Variants in FBXL3 observed in about 807,000 individuals in gnomAD.
FBXL3 encodes the protein F-box and leucine rich repeat protein 3.
In FBXL3, 14 loss-of-function variants were observed where a neutral mutation model predicts 37.9. That is an observed-to-expected ratio of 0.37 (90% CI 0.24 to 0.58). The LOEUF is 0.58. Among genes scored for constraint, FBXL3 ranks in the 20% least tolerant of loss-of-function variants. The probability of loss-of-function intolerance (pLI) is 0.74; values close to 1 mark genes in which losing one functional copy is unlikely to be tolerated. For synonymous variants in FBXL3, 194 were observed against 180.1 expected (o/e 1.08, Z -0.62); for missense variants, 327 against 511.1 (o/e 0.64, Z 3.47).
rs951884941 is a variant in FBXL3, at chr13:77,006,772, G to C, written c.*373C>G. ...GTAACTGAAGACCCTAAAATGTCAA[G>C]TTTACATTTTTTTTTAAATGCATAG... is the stretch of plus-strand genomic sequence containing the variant. On this transcript the variant is annotated 3_prime_UTR_variant, in exon 5 of 5. Transcript: ENST00000355619. 8 of 980,890 alleles carry C rather than the reference G, an allele frequency of 8.2e-6. No homozygotes were observed. In the African/African-American group the frequency reaches 1.4e-4, roughly 17 times the overall value. 60.8% of individuals were successfully genotyped at this position (980,890 alleles called of 1,614,324 possible).
chr13:77,021,899 C>A (rs773779342), intron 1 of FBXL3, 38 bp from the exon 2 acceptor site: 1 of 1,489,618 alleles, frequency 6.7e-7, no homozygotes, highest in South Asian at 1.3e-5. Flanking sequence ...TCCTACTCAA[C>A]TTTTGAATAG....
chr13:77,022,048 T>C (rs185415115), intron 1 of FBXL3, among the ~76,000 whole-genome samples, 187 bp from the exon 2 acceptor site: 99 of 152,358 alleles, frequency 6.5e-4, no homozygotes, highest in Non-Finnish European at 4.3e-4. Flanking sequence ...ACAATGGTTT[T>C]ATAAATTTTA....
intron 1 of FBXL3, among the ~76,000 whole-genome samples, chr13:77,023,793 A>G (rs1254425749): frequency 6.6e-6 from 1 of 152,262 alleles, no homozygotes; most frequent in Non-Finnish European, 1.5e-5. Flanking sequence ...AAGGATATGC[A>G]TATGCATTAC....
rs1218881592 is a variant in FBXL3, at chr13:77,006,337, T to C, written c.*808A>G. The C allele has an allele frequency of 6.6e-6, 1 of 152,190 alleles. No individual in the cohort carries two copies. The highest frequency in any genetic ancestry group is 1.5e-5 in the Non-Finnish European group (1 of 67,982). The allele number at this position is 152,190 out of a possible 1,614,324, so 9.4% of individuals were successfully genotyped here. A position where few individuals can be genotyped will look rare whatever the true frequency, so the allele number is the denominator to read the frequency against. On this transcript the variant is annotated 3_prime_UTR_variant, in exon 5 of 5. Coordinates refer to ENST00000355619, the MANE Select transcript of FBXL3 (RefSeq NM_012158.4). ...CAATTATTGTTTAATACTTTAAAGCTAGTTTAAACAAAGATAAAACCAAGG... is the reference window on the plus strand; with the variant it reads ...CAATTATTGTTTAATACTTTAAAGCCAGTTTAAACAAAGATAAAACCAAGG...
At chr13:77,013,592 A>T (rs1330167497) in intron 4 of FBXL3, 1 of 152,176 alleles carries the variant, frequency 6.6e-6, no homozygotes, top group African/African-American at 2.4e-5. Context: ...ACATTAAGAA[A>T]ACCTAACTCT....
At chr13:77,020,681 T>C (rs1257214416) in intron 2 of FBXL3, among the ~76,000 whole-genome samples, 1 of 152,046 alleles carries the variant, frequency 6.6e-6, no homozygotes, top group East Asian at 1.9e-4. Flanking sequence ...CCATATTTCA[T>C]TATTCATCAC....
At chr13:77,012,001 CA>C (rs2034563819) in intron 4 of FBXL3, among the ~76,000 whole-genome samples, 1 of 152,120 alleles carries the variant, frequency 6.6e-6, no homozygotes, top group Non-Finnish European at 1.5e-5. Context: ...CAGCATTATT[CA>C]TAAGTCAAAA....
intron 4 of FBXL3, 71 bp downstream of exon 4, chr13:77,015,338 T>G: frequency 8.9e-7 from 1 of 1,118,442 alleles, no homozygotes; most frequent in Non-Finnish European, 1.2e-6. Context: ...AGGTTAATGA[T>G]CATAGTTTTT....
At chr13:77,021,186 T>G (rs939746358) in intron 2 of FBXL3, among the ~76,000 whole-genome samples, 1 of 152,232 alleles carries the variant, frequency 6.6e-6, no homozygotes, top group Non-Finnish European at 1.5e-5. Flanking sequence ...TACTCAATTA[T>G]AATCTCCCAA....
In FBXL3 at chr13:77,027,078, TC is replaced by T; in HGVS notation, c.-254del. The T allele has an allele frequency of 6.6e-6, 1 of 152,034 alleles. No homozygotes were observed. Among genetic ancestry groups the T allele is most frequent in the Non-Finnish European group, 1.5e-5 (1 of 68,008 alleles). 9.4% of individuals were successfully genotyped at this position (152,034 alleles called of 1,614,324 possible). A position where few individuals can be genotyped will look rare whatever the true frequency, so the allele number is the denominator to read the frequency against. Reference sequence around the variant, plus strand: ...GTCCCGCGCTGTCTGTGTTCAGGGATCCCCGGCGCCGCGAGAGACTACCTCA... The same window carrying T: ...GTCCCGCGCTGTCTGTGTTCAGGGATCCCGGCGCCGCGAGAGACTACCTCA... On this transcript the variant is annotated 5_prime_UTR_variant, in exon 1 of 5. Coordinates refer to ENST00000355619, the MANE Select transcript of FBXL3 (RefSeq NM_012158.4).
chr13:77,021,553 A>G lies in FBXL3; in HGVS notation c.308T>C (p.Ile103Thr), dbSNP rs1196305170. Reference sequence around the variant, plus strand: ...TTGTAGATGGTTTGAATGTCTTTTAATAATCTGTTTGATCAGCTCTGGATG... The same window carrying G: ...TTGTAGATGGTTTGAATGTCTTTTAGTAATCTGTTTGATCAGCTCTGGATG... ...ATHPELIKQI[I>T]KRHSNHLQYV... Residue 103 changes from isoleucine (I) to threonine (T), a missense_variant, in exon 2 of 5, where the codon ATT (isoleucine) becomes ACT (threonine). By Grantham distance (89) the Ile-to-Thr change is moderately conservative. Coordinates refer to ENST00000355619, the MANE Select transcript of FBXL3 (RefSeq NM_012158.4). The G allele has an allele frequency of 1.2e-6, 2 of 1,614,048 alleles. No individual in the cohort carries two copies. The highest frequency in any genetic ancestry group is 1.7e-5 in the Admixed American group (1 of 60,014).
Position 77,006,962 on chromosome 13 carries a change from C to A in FBXL3, c.*183G>T. ...TATGACTGCTATTACACTAAGGAAA[C>A]AAGTGGAATTTTCTGACCAAAACTC... On this transcript the variant is annotated 3_prime_UTR_variant, in exon 5 of 5. Transcript: ENST00000355619. 7.1e-7 allele frequency: 1 copy of A among 1,402,112 alleles called. No homozygotes were observed. The highest frequency in any genetic ancestry group is 1.7e-5 in the South Asian group (1 of 58,226). 86.9% of individuals were successfully genotyped at this position (1,402,112 alleles called of 1,614,324 possible).
In FBXL3 at chr13:77,007,617, A is replaced by G. The variant is rs2034474555; in HGVS notation, c.815T>C (p.Ile272Thr). Residue 272 changes from isoleucine to threonine, a missense_variant, in exon 5 of 5, where the codon ATT becomes ACT. Coordinates refer to ENST00000355619, the MANE Select transcript of FBXL3 (RefSeq NM_012158.4). ...ENPGQTHFHT[I>T]QKSSWDAFIR... Reference sequence around the variant, plus strand: ...GAAAGCATCCCAGCTACTCTTCTGAATAGTATGGAAGTGTGTCTGTCCAGG... The same window carrying G: ...GAAAGCATCCCAGCTACTCTTCTGAGTAGTATGGAAGTGTGTCTGTCCAGG... The G allele has an allele frequency of 6.2e-7, 1 of 1,614,060 alleles. No individual in the cohort carries two copies. Among genetic ancestry groups the G allele is most frequent in the South Asian group, 1.1e-5 (1 of 91,086 alleles).
rs751773661 is a variant in FBXL3 at position 77,007,249 on chromosome 13, CTTCCATAATGGATAAT to C, written c.1167_1182del (p.Leu390LysfsTer3). ...TACTTTTGGTCAGGAATTAGTACTT[CTTCCATAATGGATAAT>C]TGAGATAGGCGGCCACCACACATCT... On this transcript the variant is annotated frameshift_variant, in exon 5 of 5. Transcript: ENST00000355619. LOFTEE classifies it high-confidence loss of function. 6.2e-7 allele frequency: 1 copy of C among 1,614,148 alleles called. No homozygotes were observed. The highest frequency in any genetic ancestry group is 8.5e-7 in the Non-Finnish European group (1 of 1,180,042).
chr13:77,010,798 C>T (rs2034537584), intron 4 of FBXL3: 1 of 152,270 alleles, frequency 6.6e-6, no homozygotes, highest in Admixed American at 6.5e-5. Flanking sequence ...GCCTTCCTGA[C>T]ATTTTCCTCT....
chr13:77,023,993 T>C (rs1164302091), intron 1 of FBXL3, among the ~76,000 whole-genome samples: 1 of 152,122 alleles, frequency 6.6e-6, no homozygotes, highest in African/African-American at 2.4e-5. Flanking sequence ...TTCCCAACTA[T>C]GTGAATAAAA....
chr13:77,024,919 A>T (rs1469916337), intron 1 of FBXL3, among the ~76,000 whole-genome samples: 2 of 152,244 alleles, frequency 1.3e-5, no homozygotes, highest in Non-Finnish European at 2.9e-5. Context: ...TCATTTGTGC[A>T]TGAAAATAAC....
At chr13:77,009,895 C>T (rs1234309807) in intron 4 of FBXL3, 1 of 152,228 alleles carries the variant, frequency 6.6e-6, no homozygotes, top group African/African-American at 2.4e-5. Context: ...AAACATGGCA[C>T]ATATGCACCA....
At chr13:77,008,356 A>ATTT (rs1173644675) in intron 4 of FBXL3, among the ~76,000 whole-genome samples, 1 of 152,240 alleles carries the variant, frequency 6.6e-6, no homozygotes, top group Non-Finnish European at 1.5e-5. Context: ...ATACCAAGAT[A>ATTT]TCACTAAGTA....
Sources: allele counts gnomAD v4.1 joint callset (sites outside exome capture counted in the v4.1 genomes callset), GRCh38; gene constraint gnomAD v4.1.1; transcripts MANE v1.5; gene names NCBI Gene and HGNC (gene_info 2026-07-23, HGNC 2026-07-21).